DHX29: variants seen among roughly 807,000 people sequenced by gnomAD.
The protein encoded by DHX29 is ATP-dependent RNA helicase DHX29.
DHX29 carries 79 observed loss-of-function variants against 167.9 expected under a neutral mutation model. That is an observed-to-expected ratio of 0.47 (90% CI 0.39 to 0.57). The LOEUF (loss-of-function observed/expected upper bound fraction) is 0.57, where lower values mean the gene tolerates loss of function less well. Ranked by LOEUF, DHX29 falls within the 20% of genes least tolerant of loss-of-function variation. DHX29 has a pLI of 0.00. For missense variants in DHX29, 1,347 were observed against 1,593.4 expected, an observed-to-expected ratio of 0.85 and a Z score of 2.63; for synonymous variants, 530 against 546.0, an observed-to-expected ratio of 0.97 and a Z score of 0.41.
chr5:55,295,184 G>A lies in DHX29; in HGVS notation c.651+195C>T, dbSNP rs1748251393. 2.1e-5 allele frequency: 11 copies of A among 527,704 alleles called. No individual in the cohort carries two copies. The Admixed American group carries it at 3.6e-4, about 17-fold the overall frequency. 32.7% of individuals were successfully genotyped at this position (527,704 alleles called of 1,614,324 possible). On this transcript the variant is annotated intron_variant, in intron 5 of 26. Transcript: ENST00000251636. Reference sequence around the variant, plus strand: ...GACTGCAGAATCATGAGAAATAATAGTTGGTTTAAGCCACTACATTTTGGA... The same window carrying A: ...GACTGCAGAATCATGAGAAATAATAATTGGTTTAAGCCACTACATTTTGGA...
Position 55,295,492 on chromosome 5 carries a change from C to T in DHX29, c.538G>A (p.Glu180Lys). The T allele has an allele frequency of 6.2e-7, 1 of 1,613,922 alleles. No individual in the cohort carries two copies. The highest frequency in any genetic ancestry group is 1.3e-5 in the African/African-American group (1 of 75,014). ...GGCCTACTTTTAGGTTGCTGCTCTTCAAATTCCTGACTGAATCCTTCAGGA... is the reference window on the plus strand; with the variant it reads ...GGCCTACTTTTAGGTTGCTGCTCTTTAAATTCCTGACTGAATCCTTCAGGA... Reference protein sequence around the residue: ...ALPEGFSQEFEEQQPKSRPKF... With the variant: ...ALPEGFSQEFKEQQPKSRPKF... Residue 180 changes from glutamate (E) to lysine (K), a missense_variant, in exon 5 of 27, where the codon GAA becomes AAA. Physicochemically the swap from Glu to Lys is moderately conservative, Grantham distance 56. This residue lies in a region of DHX29 where 405 missense variants were observed against 416.8 expected (regional missense o/e 0.97). Coordinates refer to ENST00000251636, the MANE Select transcript of DHX29 (RefSeq NM_019030.4).
At chr5:55,276,433 G>T (rs967825452) in intron 13 of DHX29, 27 bp from the exon 14 acceptor site, 2 of 1,541,246 alleles carry the variant, frequency 1.3e-6, no homozygotes, top group South Asian at 2.5e-5. Context: ...ATATAAATGG[G>T]TGAATTCAAA....
chr5:55,270,776 G>T, intron 18 of DHX29, 70 bp from the exon 19 acceptor site: 2 of 1,235,482 alleles, frequency 1.6e-6, no homozygotes, highest in South Asian at 2.5e-5. Flanking sequence ...AGCTGGATTT[G>T]ACTCTTACAA....
intron 1 of DHX29, among the ~76,000 whole-genome samples, chr5:55,299,702 C>T (rs1748506079): frequency 6.6e-6 from 1 of 152,100 alleles, no homozygotes; most frequent in Admixed American, 6.5e-5. Context: ...TCTTGACATT[C>T]ATTATTGGAT....
chr5:55,303,579 G>A (rs867623345), intron 1 of DHX29, among the ~76,000 whole-genome samples: 9 of 152,056 alleles, frequency 5.9e-5, no homozygotes, highest in East Asian at 3.9e-4. Context: ...TACCAACACC[G>A]GCCCCCACTT....
intron 1 of DHX29, among the ~76,000 whole-genome samples, chr5:55,301,170 C>T (rs888830415): frequency 1.3e-5 from 2 of 152,152 alleles, no homozygotes; most frequent in African/African-American, 4.8e-5. Context: ...AGGGTCTCAA[C>T]ATACTAATTT....
intron 23 of DHX29, 36 bp downstream of exon 23, chr5:55,267,102 C>T (rs1746614096): frequency 9.5e-6 from 13 of 1,373,508 alleles, no homozygotes; most frequent in Non-Finnish European, 1.3e-5. Context: ...TATAGTTACC[C>T]ATGACTCTGA....
chr5:55,302,512 T>C lies in DHX29; in HGVS notation c.188-3848A>G, dbSNP rs181150692. Reference sequence around the variant, plus strand: ...GCTTGTGCCTGTAATCCCAGCTACTTGGGAGGCTGAGATGGGAGGATTGCT... The same window carrying C: ...GCTTGTGCCTGTAATCCCAGCTACTCGGGAGGCTGAGATGGGAGGATTGCT... On this transcript the variant is annotated intron_variant, in intron 1 of 26. Coordinates refer to ENST00000251636, the MANE Select transcript of DHX29 (RefSeq NM_019030.4). 2.5e-3 allele frequency among the ~76,000 whole-genome samples: 363 copies of C among 146,734 alleles called. 2 individuals carry two copies. The highest frequency in any genetic ancestry group is 0.024 in the Middle Eastern group (7 of 288).
At position 55,267,677 on chromosome 5, in the gene DHX29, T is replaced by C. The variant is rs963626488; in HGVS notation, c.3431+9A>G. 14 of 1,592,460 alleles carry C rather than the reference T, an allele frequency of 8.8e-6. No homozygotes were observed. The highest frequency in any genetic ancestry group is 3.4e-5 in the Admixed American group (2 of 58,028). ...TGGCTTACTGATAACAGCCAGATTA[T>C]GTTTTTACCCTAGATATGCATTGTA... On this transcript the variant is annotated intron_variant, in intron 22 of 26. Coordinates refer to ENST00000251636, the MANE Select transcript of DHX29 (RefSeq NM_019030.4).
chr5:55,269,566 G>A lies in DHX29; in HGVS notation c.3141C>T (p.Ser1047=). ...TTTTTCGGAGCAAATTCATTGCATT[G>A]CTGATCACTTGGAGCTGAGGAGGAT... ...ALDPPQLQVI[S]NAMNLLRKIG... is the part of the protein sequence containing the mutation. The change falls in exon 21 of 27, where the codon AGC becomes AGT. Residue 1047 remains serine, a synonymous_variant. Coordinates refer to ENST00000251636, the MANE Select transcript of DHX29 (RefSeq NM_019030.4). The A allele has an allele frequency of 6.2e-7, 1 of 1,614,092 alleles. No homozygotes were observed. Among genetic ancestry groups the A allele is most frequent in the Non-Finnish European group, 8.5e-7 (1 of 1,180,026 alleles).
In DHX29 at chr5:55,270,637, G is replaced by A. The variant is rs746779100; in HGVS notation, c.2934C>T (p.Arg978=). The change falls in exon 19 of 27, where the codon CGC becomes CGT. Residue 978 remains arginine, a synonymous_variant. Coordinates refer to ENST00000251636, the MANE Select transcript of DHX29 (RefSeq NM_019030.4). The part of the protein sequence containing the change: ...TFVSKASALQ[R]QGRAGRVRDG... ...CTCTGACCCGCCCAGCTCTTCCCTG[G>A]CGCTGCAAAGCACTGGCTTTACTGA... The A allele has an allele frequency of 6.8e-6, 11 of 1,613,986 alleles. No homozygotes were observed. The Admixed American group carries it at 1.8e-4, about 27-fold the overall frequency.
At chr5:55,294,606 C>T (rs1260521110) in intron 5 of DHX29, among the ~76,000 whole-genome samples, 5 of 152,198 alleles carry the variant, frequency 3.3e-5, no homozygotes, top group East Asian at 1.9e-4. Flanking sequence ...AGCCAGGAGG[C>T]GGAGCTTGCA....
In DHX29 at chr5:55,295,503, C is replaced by T. The variant is rs748267063; in HGVS notation, c.527G>A (p.Ser176Asn). 3 of 1,613,764 alleles carry T rather than the reference C, an allele frequency of 1.9e-6. No individual in the cohort carries two copies. In the East Asian group the frequency reaches 6.7e-5, roughly 36 times the overall value. The stretch of plus-strand genomic sequence containing the variant: ...AGGTTGCTGCTCTTCAAATTCCTGA[C>T]TGAATCCTTCAGGAAGTGCATCTTA... Reference protein sequence around the residue: ...LSDDALPEGFSQEFEEQQPKS... With the variant: ...LSDDALPEGFNQEFEEQQPKS... Residue 176 changes from serine to asparagine, a missense_variant, in exon 5 of 27, where the codon AGT becomes AAT. Physicochemically the swap from Ser to Asn is conservative, Grantham distance 46. Coordinates refer to ENST00000251636, the MANE Select transcript of DHX29 (RefSeq NM_019030.4).
intron 5 of DHX29, among the ~76,000 whole-genome samples, chr5:55,294,664 G>C (rs1008254691): frequency 6.6e-6 from 1 of 152,220 alleles, no homozygotes; most frequent in Non-Finnish European, 1.5e-5. Flanking sequence ...GGGCAACAGA[G>C]CAAGACTCTG....
Position 55,294,084 on chromosome 5 carries a change from T to C in DHX29, c.713A>G (p.Glu238Gly). Reference sequence around the variant, plus strand: ...ATTCTTTTCTTCTTCATTTTGTTGTTCAGCATATCGTAAAATCCACTCTTT... The same window carrying C: ...ATTCTTTTCTTCTTCATTTTGTTGTCCAGCATATCGTAAAATCCACTCTTT... ...NMKEWILRYA[E>G]QQNEEEKNEN... Residue 238 changes from glutamate to glycine, a missense_variant, in exon 6 of 27, where the codon GAA (glutamate) becomes GGA (glycine). Glu to Gly is a moderately conservative substitution (Grantham distance 98, BLOSUM62 -2). Around this residue, in one of 3 missense-constraint regions of DHX29, gnomAD observed 405 missense variants for 416.8 expected, o/e 0.97. Coordinates refer to ENST00000251636, the MANE Select transcript of DHX29 (RefSeq NM_019030.4). The C allele has an allele frequency of 3.7e-6, 6 of 1,608,162 alleles. No individual in the cohort carries two copies. The highest frequency in any genetic ancestry group is 5.1e-6 in the Non-Finnish European group (6 of 1,177,748).
chr5:55,277,193 C>G lies in DHX29; in HGVS notation c.2199G>C (p.Met733Ile). The G allele has an allele frequency of 6.2e-7, 1 of 1,611,702 alleles. No homozygotes were observed. Among genetic ancestry groups the G allele is most frequent in the Non-Finnish European group, 8.5e-7 (1 of 1,178,000 alleles). ...QKRSDLHLIL[M>I]SATVDSEKFS... ...ATTTTTCGCTGTCCACAGTGGCACTCATTAGAATCAAGTGTAGATCAGAAC... is the reference window on the plus strand; with the variant it reads ...ATTTTTCGCTGTCCACAGTGGCACTGATTAGAATCAAGTGTAGATCAGAAC... The change falls in exon 13 of 27, where the codon ATG becomes ATC. Residue 733 changes from methionine to isoleucine, a missense_variant. Transcript: ENST00000251636.
chr5:55,297,830 G>A (rs544106871), intron 2 of DHX29, among the ~76,000 whole-genome samples: 17 of 152,204 alleles, frequency 1.1e-4, no homozygotes, highest in South Asian at 8.3e-4. Flanking sequence ...TAAATATGTC[G>A]TAATAAGCTA....
chr5:55,272,382 C>T (rs1409117354), intron 17 of DHX29, among the ~76,000 whole-genome samples: 1 of 152,150 alleles, frequency 6.6e-6, no homozygotes, highest in Non-Finnish European at 1.5e-5. Context: ...ATCTAAAATA[C>T]AGATTTTTAT....
intron 12 of DHX29, among the ~76,000 whole-genome samples, chr5:55,280,737 G>A (rs1007807289): frequency 3.3e-5 from 5 of 152,138 alleles, no homozygotes; most frequent in African/African-American, 1.2e-4. Context: ...CATTAGGTCT[G>A]CTTGTTCTCT....
Sources: gnomAD v4.1 joint callset for allele counts (sites outside exome capture counted in the v4.1 genomes callset) on GRCh38, gnomAD v4.1.1 for gene constraint, gnomAD v4.1.1 regional missense constraint, MANE v1.5 for transcripts, NCBI Gene and HGNC (gene_info 2026-07-23, HGNC 2026-07-21) for gene names.